CRYM: variants seen among roughly 807,000 people sequenced by gnomAD.
CRYM encodes the protein crystallin mu.
Under a neutral mutation model 32.9 loss-of-function variants are expected in CRYM, and 18 were observed. The ratio of observed to expected loss-of-function variants is 0.55; its 90% CI spans 0.38 to 0.81. The LOEUF (loss-of-function observed/expected upper bound fraction) is 0.81. CRYM is among the 30% of genes least tolerant of loss of function. CRYM has a pLI of 0.00. For missense variants in CRYM, 337 were observed against 393.5 expected, an observed-to-expected ratio of 0.86 and a Z score of 1.21; for synonymous variants, 153 against 152.4, an observed-to-expected ratio of 1.00 and a Z score of -0.03.
chr16:21,286,961 G>A (rs1254344800), intron 1 of CRYM, among the ~76,000 whole-genome samples: 1 of 151,980 alleles, frequency 6.6e-6, no homozygotes, highest in East Asian at 1.9e-4. Flanking sequence ...GTGGTGGTGG[G>A]CGCCTGTAGT....
At chr16:21,267,405 G>GT (rs979166371) in intron 5 of CRYM, 149 bp downstream of exon 5, 31 of 861,422 alleles carry the variant, frequency 3.6e-5, no homozygotes, top group African/African-American at 1.7e-4. Context: ...GCCAAATATT[G>GT]TTTTTTTCAA....
At chr16:21,268,857 A>G (rs1052254834) in intron 4 of CRYM, among the ~76,000 whole-genome samples, 6 of 152,054 alleles carry the variant, frequency 3.9e-5, no homozygotes, top group Admixed American at 1.3e-4. Context: ...ATTAAAAGTA[A>G]TGGCAACTGG....
intron 3 of CRYM, among the ~76,000 whole-genome samples, chr16:21,273,816 T>C (rs2093380800): frequency 6.6e-6 from 1 of 152,224 alleles, no homozygotes; most frequent in Admixed American, 6.5e-5. Context: ...TAAAGCTCTT[T>C]GCAAATGACA....
chr16:21,290,264 C>T (rs549877864), intron 1 of CRYM, among the ~76,000 whole-genome samples: 9 of 152,302 alleles, frequency 5.9e-5, no homozygotes, highest in Admixed American at 2.0e-4. Context: ...ACACTAACCA[C>T]GAAGGTTGTA....
rs1440397123 is a variant in CRYM, at chr16:21,267,715, T to C, written c.512A>G (p.Lys171Arg). Residue 171 changes from lysine (K) to arginine (R), a missense_variant, in exon 5 of 8, where the codon AAA becomes AGA. Coordinates refer to ENST00000572914, the MANE Select transcript of CRYM (RefSeq NM_001376256.1). ...GTCTGCAAACTTCTCTGCATTTTCTTTGGTGCGGTTCCATATCCTCACCTT... is the reference window on the plus strand; with the variant it reads ...GTCTGCAAACTTCTCTGCATTTTCTCTGGTGCGGTTCCATATCCTCACCTT... ...FKEVRIWNRT[K>R]ENAEKFADTV... 10 of 1,614,244 alleles carry C rather than the reference T, an allele frequency of 6.2e-6. No homozygotes were observed. In the South Asian group the frequency reaches 9.9e-5, roughly 16 times the overall value.
intron 2 of CRYM, among the ~76,000 whole-genome samples, chr16:21,276,281 T>C (rs2093386231): frequency 1.3e-5 from 2 of 152,196 alleles, no homozygotes; most frequent in South Asian, 4.1e-4. Context: ...CTGAGCAGAT[T>C]CAGCTGTCAT....
chr16:21,278,108 G>A lies in CRYM; in HGVS notation c.144C>T (p.Thr48=). The A allele has an allele frequency of 1.3e-6, 2 of 1,547,812 alleles. No individual in the cohort carries two copies. Among genetic ancestry groups the A allele is most frequent in the Non-Finnish European group, 1.7e-6 (2 of 1,147,012 alleles). Reference sequence around the variant, plus strand: ...CCCTGTGCTTGGTCACCGGCACCACGGTGCGCACGGGCTGCATGACCCCTC... The same window carrying A: ...CCCTGTGCTTGGTCACCGGCACCACAGTGCGCACGGGCTGCATGACCCCTC... ...PEGGVMQPVR[T]VVPVTKHRGY... is the part of the protein sequence containing the mutation. The change falls in exon 1 of 8, where the codon ACC becomes ACT. Residue 48 remains threonine (T), a synonymous_variant. Transcript: ENST00000572914.
intron 7 of CRYM, among the ~76,000 whole-genome samples, chr16:21,259,295 A>G (rs1192398282): frequency 1.3e-5 from 2 of 150,398 alleles, no homozygotes; most frequent in Non-Finnish European, 3.0e-5. Context: ...TTTAGTAGAG[A>G]CAGGGTTTCA....
At position 21,291,924 on chromosome 16, in the gene CRYM, A is replaced by G. The variant is rs1960666748; in HGVS notation, c.-193+11054T>C. ...AAACGTTTTTAATTGTGGTGAAGTT[A>G]AATTTATCATTTTTTAGTGAATTGT... On this transcript the variant is annotated intron_variant, in intron 1 of 9. Coordinates refer to the CRYM transcript ENST00000219599. Among the ~76,000 whole-genome samples the G allele has an allele frequency of 2.0e-5, 3 of 152,228 alleles. No homozygotes were observed. The South Asian group carries it at 6.2e-4, about 32-fold the overall frequency.
chr16:21,290,505 C>T (rs1410594006), intron 1 of CRYM, among the ~76,000 whole-genome samples: 2 of 152,070 alleles, frequency 1.3e-5, no homozygotes, highest in Non-Finnish European at 2.9e-5. Flanking sequence ...CCGCAAGGGT[C>T]CGTGGCTTCT....
intron 3 of CRYM, among the ~76,000 whole-genome samples, chr16:21,274,688 C>T (rs1022999392): frequency 6.6e-6 from 1 of 152,122 alleles, no homozygotes; most frequent in African/African-American, 2.4e-5. Flanking sequence ...TCATTGCAAC[C>T]TCTGCCTCCT....
chr16:21,270,573 C>T (rs528840028), intron 3 of CRYM, among the ~76,000 whole-genome samples: 2 of 152,096 alleles, frequency 1.3e-5, no homozygotes, highest in Admixed American at 6.5e-5. Flanking sequence ...CGTGAGCCAC[C>T]GCACCTAGCC....
upstream of CRYM, among the ~76,000 whole-genome samples, chr16:21,279,533 A>G (rs2152863571): frequency 6.6e-6 from 1 of 152,352 alleles, no homozygotes; most frequent in African/African-American, 2.4e-5. Context: ...TAGGAGCATC[A>G]GAAGATAAAA....
chr16:21,296,394 A>C (rs989805903), intron 1 of CRYM, among the ~76,000 whole-genome samples: 7 of 152,260 alleles, frequency 4.6e-5, no homozygotes, highest in Non-Finnish European at 1.0e-4. Flanking sequence ...GGCAATATCA[A>C]TTCAAAACAA....
chr16:21,260,189 G>A (rs143814324), intron 7 of CRYM, among the ~76,000 whole-genome samples: 1,662 of 152,254 alleles, frequency 0.011, 23 homozygotes, highest in Middle Eastern at 0.027. Context: ...CACGAAGTAT[G>A]GAAGGTCATG....
chr16:21,283,068 G>C (rs1449409413), upstream of CRYM, among the ~76,000 whole-genome samples: 1 of 152,152 alleles, frequency 6.6e-6, no homozygotes, highest in Non-Finnish European at 1.5e-5. Context: ...CTTGTCCTGG[G>C]ACAAGCCTGG....
In CRYM at chr16:21,262,757, G is replaced by A. The variant is rs146829598; in HGVS notation, c.674-599C>T. Among the ~76,000 whole-genome samples the A allele has an allele frequency of 4.8e-3, 731 of 152,214 alleles. 11 individuals are homozygous for A. The highest frequency in any genetic ancestry group is 0.016 in the African/African-American group (683 of 41,514). On this transcript the variant is annotated intron_variant, in intron 5 of 7. Transcript: ENST00000572914. ...CTACTCTCTGTGGGATGTTTTGCAC[G>A]TACTATTTATGGTTCTCGCAAGTAC... is the stretch of plus-strand genomic sequence containing the variant.
At chr16:21,295,530 A>T (rs1282626433) in intron 1 of CRYM, among the ~76,000 whole-genome samples, 1 of 152,138 alleles carries the variant, frequency 6.6e-6, no homozygotes. Context: ...TGGAATAGGT[A>T]GTTCTTTTTA....
chr16:21,260,150 G>T (rs1406485486), intron 7 of CRYM, among the ~76,000 whole-genome samples: 1 of 152,112 alleles, frequency 6.6e-6, no homozygotes, highest in South Asian at 2.1e-4. Context: ...CTGATGCTCT[G>T]CCAGGCATTT....
Sources: allele counts gnomAD v4.1 joint callset (sites outside exome capture counted in the v4.1 genomes callset), GRCh38; gene constraint gnomAD v4.1.1; transcripts MANE v1.5; gene names NCBI Gene and HGNC (gene_info 2026-07-23, HGNC 2026-07-21).